The following DDHD1 variants were observed in gnomAD, a reference collection of about 807,000 sequenced individuals.
DDHD1 encodes DDHD domain containing 1, also known as phospholipase DDHD1.
In DDHD1, 49 loss-of-function variants were observed where a neutral mutation model predicts 96.4. That is an observed-to-expected ratio of 0.51 (90% CI 0.40 to 0.64). The LOEUF (loss-of-function observed/expected upper bound fraction) is 0.64, where lower values mean the gene tolerates loss of function less well. Among genes scored for constraint, DDHD1 ranks in the 30% least tolerant of loss-of-function variants. The pLI, the probability that DDHD1 is intolerant of heterozygous loss-of-function variation, is 0.00. For synonymous variants in DDHD1, 442 were observed against 446.5 expected (o/e 0.99, Z 0.13); for missense variants, 1,106 against 1,161.2 (o/e 0.95, Z 0.69).
intron 4 of DDHD1, among the ~76,000 whole-genome samples, chr14:53,084,192 A>G (rs1432610201): frequency 1.3e-5 from 2 of 152,228 alleles, no homozygotes; most frequent in African/African-American, 2.4e-5. Flanking sequence ...AAGATTATAT[A>G]AATCACATTT....
chr14:53,091,777 G>C lies in DDHD1; in HGVS notation c.1289+8C>G. 6.2e-7 allele frequency: 1 copy of C among 1,612,164 alleles called. No individual in the cohort carries two copies. The highest frequency in any genetic ancestry group is 1.3e-5 in the African/African-American group (1 of 74,964). ...TTAGATATACAATGCATTCATCAAAGAACTTACATAGCTGTATTTTTGATA... is the reference window on the plus strand; with the variant it reads ...TTAGATATACAATGCATTCATCAAACAACTTACATAGCTGTATTTTTGATA... On this transcript the variant is annotated splice_region_variant and intron_variant, in intron 4 of 12. Coordinates refer to ENST00000673822, the MANE Select transcript of DDHD1 (RefSeq NM_001160148.2).
intron 1 of DDHD1, among the ~76,000 whole-genome samples, chr14:53,129,139 T>A (rs1889676391): frequency 6.6e-6 from 1 of 152,170 alleles, no homozygotes; most frequent in African/African-American, 2.4e-5. Context: ...ACACAAAGCC[T>A]GTTGGTGGAC....
At chr14:53,131,102 C>T (rs1015061485) in intron 1 of DDHD1, among the ~76,000 whole-genome samples, 1 of 152,174 alleles carries the variant, frequency 6.6e-6, no homozygotes, top group Admixed American at 6.6e-5. Flanking sequence ...GACAACATTC[C>T]TTTATGCACT....
At chr14:53,116,898 CCTTTCA>C (rs1888584854) in intron 1 of DDHD1, among the ~76,000 whole-genome samples, 1 of 152,038 alleles carries the variant, frequency 6.6e-6, no homozygotes, top group South Asian at 2.1e-4. Context: ...ACACAAAAAA[CCTTTCA>C]AAAAATCAAT....
chr14:53,101,976 T>C lies in DDHD1; in HGVS notation c.1012+1707A>G, dbSNP rs146112208. Among the ~76,000 whole-genome samples the C allele has an allele frequency of 1.1e-3, 171 of 152,134 alleles. 1 individual carries two copies. Among genetic ancestry groups the C allele is most frequent in the Middle Eastern group, 6.8e-3 (2 of 294 alleles). On this transcript the variant is annotated intron_variant, in intron 2 of 12. Transcript: ENST00000673822. ...GGGAACCATCTACTTGTATTTTTCA[T>C]ACTCATCCTCTTTCTCCTCCAAGCT...
At chr14:53,086,106 G>C (rs570810793) in intron 4 of DDHD1, among the ~76,000 whole-genome samples, 1 of 152,134 alleles carries the variant, frequency 6.6e-6, no homozygotes, top group Non-Finnish European at 1.5e-5. Context: ...AGAGAAAAAA[G>C]AGTAAAAAGA....
chr14:53,057,689 T>C (rs1883179407), intron 9 of DDHD1, among the ~76,000 whole-genome samples: 1 of 152,224 alleles, frequency 6.6e-6, no homozygotes, highest in Non-Finnish European at 1.5e-5. Context: ...TGTCTGGGAA[T>C]AATATTTTTA....
Position 53,124,213 on chromosome 14 carries a change from C to T in DDHD1, c.839-20357G>A, listed in dbSNP as rs372837431. On this transcript the variant is annotated intron_variant, in intron 1 of 12. Transcript: ENST00000673822. Reference sequence around the variant, plus strand: ...TCACGCCAGTGCACTCCAGCCTGGGCGACAAGAGTGAAACTCTGTCTCAAA... The same window carrying T: ...TCACGCCAGTGCACTCCAGCCTGGGTGACAAGAGTGAAACTCTGTCTCAAA... Among the ~76,000 whole-genome samples the T allele has an allele frequency of 1.2e-4, 17 of 145,958 alleles. No homozygotes were observed. In the East Asian group the frequency reaches 1.2e-3, roughly 10 times the overall value.
rs1290038306 is a variant in DDHD1, at chr14:53,037,435, T to G, written c.*9333A>C. 1 of 152,194 alleles carries G rather than the reference T, an allele frequency of 6.6e-6. No individual in the cohort carries two copies. Among genetic ancestry groups the G allele is most frequent in the Non-Finnish European group, 1.5e-5 (1 of 68,016 alleles). 9.4% of individuals were successfully genotyped at this position (152,194 alleles called of 1,614,324 possible). ...GGCATGTTATTAGACTTCTTTACAA[T>G]AGCCATTCTAACTGGTGTGAGATGG... On this transcript the variant is annotated 3_prime_UTR_variant, in exon 13 of 13. Coordinates refer to ENST00000673822, the MANE Select transcript of DDHD1 (RefSeq NM_001160148.2).
chr14:53,103,113 A>C, intron 2 of DDHD1: 1 of 1,498,946 alleles, frequency 6.7e-7, no homozygotes, highest in South Asian at 1.2e-5. Flanking sequence ...AGTTTACTCA[A>C]GATTTAGACA....
intron 8 of DDHD1, among the ~76,000 whole-genome samples, chr14:53,060,177 A>T (rs1446894837): frequency 6.6e-6 from 1 of 152,210 alleles, no homozygotes; most frequent in Non-Finnish European, 1.5e-5. Context: ...AGACATGAGC[A>T]AATACTCAAC....
At chr14:53,060,435 C>A (rs142363781) in intron 8 of DDHD1, among the ~76,000 whole-genome samples, 1 of 152,168 alleles carries the variant, frequency 6.6e-6, no homozygotes, top group African/African-American at 2.4e-5. Flanking sequence ...GCCTCCTTGT[C>A]CTGACTTCTG....
chr14:53,152,113 G>GACAGATTGGGTGTAGAT, intron 1 of DDHD1, 148 bp downstream of exon 1: 2 of 833,738 alleles, frequency 2.4e-6, no homozygotes, highest in South Asian at 1.9e-5. Flanking sequence ...AGCTGCCGAC[G>GACAGATTGGGTGTAGAT]CTCCCTGCTC....
rs1474332420 is a variant in DDHD1 at position 53,037,886 on chromosome 14, T to A, written c.*8882A>T. 1 of 152,152 alleles carries A rather than the reference T, an allele frequency of 6.6e-6. No individual in the cohort carries two copies. Among genetic ancestry groups the A allele is most frequent in the Non-Finnish European group, 1.5e-5 (1 of 68,006 alleles). 9.4% of individuals were successfully genotyped at this position (152,152 alleles called of 1,614,324 possible). A position where few individuals can be genotyped will look rare whatever the true frequency, so the allele number is the denominator to read the frequency against. Reference sequence around the variant, plus strand: ...GTCTTACATTTAAATCTTTAATCCATCTTGAGTTAATTTTCATATACGGTG... The same window carrying A: ...GTCTTACATTTAAATCTTTAATCCAACTTGAGTTAATTTTCATATACGGTG... On this transcript the variant is annotated 3_prime_UTR_variant, in exon 13 of 13. Coordinates refer to ENST00000673822, the MANE Select transcript of DDHD1 (RefSeq NM_001160148.2).
intron 9 of DDHD1, among the ~76,000 whole-genome samples, chr14:53,057,882 C>T (rs1195642883): frequency 6.6e-6 from 1 of 152,200 alleles, no homozygotes; most frequent in Non-Finnish European, 1.5e-5. Flanking sequence ...CAGAGTCTCG[C>T]TCTATTGCCC....
At chr14:53,104,378 T>C (rs992108539) in intron 1 of DDHD1, among the ~76,000 whole-genome samples, 18 of 152,238 alleles carry the variant, frequency 1.2e-4, no homozygotes, top group African/African-American at 3.1e-4. Context: ...ATGTATATAA[T>C]TGAGACTCTG....
At position 53,080,717 on chromosome 14, in the gene DDHD1, C is replaced by CTTCCTTTT. The variant is rs781757807; in HGVS notation, c.1290-6871_1290-6870insAAAAGGAA. The stretch of plus-strand genomic sequence containing the variant: ...ATAATTTCATTTCTTTTCCTTCCCC[C>CTTCCTTTT]TTTTTTTTTTTTTTTTTTTTGGAGA... On this transcript the variant is annotated intron_variant, in intron 4 of 12. Transcript: ENST00000673822. Among the ~76,000 whole-genome samples the CTTCCTTTT allele has an allele frequency of 2.0e-4, 18 of 89,502 alleles. 3 individuals carry two copies. Among genetic ancestry groups the CTTCCTTTT allele is most frequent in the African/African-American group, 4.1e-4 (8 of 19,312 alleles). 58.7% of individuals were successfully genotyped at this position (89,502 alleles called of 152,430 possible).
chr14:53,040,262 TAA>T lies in DDHD1; in HGVS notation c.*6504_*6505del, dbSNP rs551853684. On this transcript the variant is annotated 3_prime_UTR_variant, in exon 13 of 13. Coordinates refer to ENST00000673822, the MANE Select transcript of DDHD1 (RefSeq NM_001160148.2). The stretch of plus-strand genomic sequence containing the variant: ...GAATATGCCTGTCTTTTCTAATATA[TAA>T]GTGTACTTTATCCTCTGATGTTCTA... The T allele has an allele frequency of 1.3e-5, 2 of 152,200 alleles. No individual in the cohort carries two copies. The highest frequency in any genetic ancestry group is 2.1e-4 in the South Asian group (1 of 4,832). 9.4% of individuals were successfully genotyped at this position (152,200 alleles called of 1,614,324 possible).
At chr14:53,060,034 G>T (rs1883417648) in intron 8 of DDHD1, among the ~76,000 whole-genome samples, 1 of 151,692 alleles carries the variant, frequency 6.6e-6, no homozygotes, top group Non-Finnish European at 1.5e-5. Flanking sequence ...CACTTTGTAA[G>T]TAATGGAGAT....
Sources: allele counts gnomAD v4.1 joint callset (sites outside exome capture counted in the v4.1 genomes callset), GRCh38; gene constraint gnomAD v4.1.1; transcripts MANE v1.5; gene names NCBI Gene and HGNC (gene_info 2026-07-23, HGNC 2026-07-21).